PDZD2: variants seen among roughly 807,000 people sequenced by gnomAD.
The protein encoded by PDZD2 is PDZ domain-containing protein 2.
Under a neutral mutation model 220.7 loss-of-function variants are expected in PDZD2, and 90 were observed. The ratio of observed to expected loss-of-function variants is 0.41; its 90% CI spans 0.34 to 0.49. The LOEUF (loss-of-function observed/expected upper bound fraction) is 0.49, where lower values mean the gene tolerates loss of function less well. Ranked by LOEUF, PDZD2 falls within the 20% of genes least tolerant of loss-of-function variation. The probability of loss-of-function intolerance (pLI) is 0.28; values close to 1 mark genes in which losing one functional copy is unlikely to be tolerated. For synonymous variants in PDZD2, 1,375 were observed against 1,450.5 expected (o/e 0.95, Z 1.18); for missense variants, 3,174 against 3,608.5 (o/e 0.88, Z 3.08).
intron 2 of PDZD2, among the ~76,000 whole-genome samples, chr5:31,808,433 C>T (rs560139646): frequency 1.3e-5 from 2 of 152,298 alleles, no homozygotes; most frequent in South Asian, 4.1e-4. Flanking sequence ...TGAAGCATTA[C>T]GGACTGTTTG....
intron 1 of PDZD2, among the ~76,000 whole-genome samples, chr5:31,763,870 T>TTAA: frequency 7.3e-6 from 1 of 137,552 alleles, no homozygotes; most frequent in African/African-American, 2.7e-5. Context: ...GCCCTCTGAT[T>TTAA]AAAAAAAAAA....
At chr5:31,895,380 T>A (rs1361597607) in intron 2 of PDZD2, among the ~76,000 whole-genome samples, 2 of 152,150 alleles carry the variant, frequency 1.3e-5, no homozygotes, top group South Asian at 4.1e-4. Flanking sequence ...AGACTCCTTA[T>A]CTCCTCTGTC....
intron 2 of PDZD2, among the ~76,000 whole-genome samples, chr5:31,898,154 A>T (rs1741743022): frequency 6.6e-6 from 1 of 152,246 alleles, no homozygotes; most frequent in South Asian, 2.1e-4. Flanking sequence ...CATATGAATT[A>T]TACCAAAAGT....
chr5:31,940,073 T>A (rs954992153), intron 2 of PDZD2, among the ~76,000 whole-genome samples: 1 of 152,214 alleles, frequency 6.6e-6, no homozygotes. Context: ...TTGTAGGTGA[T>A]ATAGTCTCTC....
At chr5:31,881,441 G>A (rs567577763) in intron 2 of PDZD2, among the ~76,000 whole-genome samples, 63 of 149,136 alleles carry the variant, frequency 4.2e-4, no homozygotes, top group Non-Finnish European at 6.1e-4. Context: ...GCAATGGTGC[G>A]ATCTCAGCTC....
intron 19 of PDZD2, among the ~76,000 whole-genome samples, chr5:32,086,592 G>A (rs1742472295): frequency 6.6e-6 from 1 of 152,178 alleles, no homozygotes; most frequent in African/African-American, 2.4e-5. Context: ...TGTTAGATGT[G>A]GGTACTCTAT....
chr5:32,025,393 C>T (rs1420035917), intron 6 of PDZD2, among the ~76,000 whole-genome samples: 1 of 151,642 alleles, frequency 6.6e-6, no homozygotes, highest in Non-Finnish European at 1.5e-5. Flanking sequence ...AGCGTGGTGG[C>T]ACATGCCTGT....
intron 2 of PDZD2, among the ~76,000 whole-genome samples, chr5:31,839,026 C>T (rs1273223937): frequency 6.6e-6 from 1 of 152,226 alleles, no homozygotes; most frequent in Non-Finnish European, 1.5e-5. Flanking sequence ...ACCCCAGAAG[C>T]TCTCACCAGA....
At chr5:31,768,817 G>A (rs1251878826) in intron 1 of PDZD2, among the ~76,000 whole-genome samples, 3 of 152,134 alleles carry the variant, frequency 2.0e-5, no homozygotes, top group African/African-American at 7.2e-5. Context: ...GGAGGGGTAA[G>A]GGGATCACAT....
intron 6 of PDZD2, among the ~76,000 whole-genome samples, chr5:32,023,294 C>T (rs1754372708): frequency 6.6e-6 from 1 of 152,166 alleles, no homozygotes; most frequent in African/African-American, 2.4e-5. Flanking sequence ...GGTCTGAACT[C>T]TCCACTGAGG....
intron 2 of PDZD2, among the ~76,000 whole-genome samples, chr5:31,906,869 A>G (rs1043419692): frequency 6.6e-6 from 1 of 152,138 alleles, no homozygotes; most frequent in Admixed American, 6.5e-5. Context: ...AAAAGAGACT[A>G]CTTACAATAT....
At chr5:32,060,933 C>G in intron 13 of PDZD2, 69 bp from the exon 14 acceptor site, 1 of 1,489,306 alleles carries the variant, frequency 6.7e-7, no homozygotes, top group East Asian at 2.3e-5. Context: ...CCTCTCCTAG[C>G]AAGAAGGCTA....
intron 1 of PDZD2, chr5:31,725,627 CTT>C: frequency 7.8e-7 from 1 of 1,281,684 alleles, no homozygotes; most frequent in Non-Finnish European, 1.1e-6. Context: ...CTAGGTGGTC[CTT>C]TTTTCCTTGA....
At chr5:31,948,018 T>C (rs1410670265) in intron 2 of PDZD2, among the ~76,000 whole-genome samples, 1 of 152,214 alleles carries the variant, frequency 6.6e-6, no homozygotes, top group Non-Finnish European at 1.5e-5. Context: ...CCAGAGATTT[T>C]ACATGTCTGC....
intron 1 of PDZD2, among the ~76,000 whole-genome samples, chr5:31,776,152 G>A (rs967145790): frequency 7.9e-5 from 12 of 152,152 alleles, no homozygotes; most frequent in Admixed American, 7.2e-4. Flanking sequence ...TTCACTGGCG[G>A]AGCCCCTAGG....
At chr5:31,938,005 A>G (rs7712334) in intron 2 of PDZD2, among the ~76,000 whole-genome samples, 63,473 of 152,148 alleles carry the variant, frequency 0.42, 13,678 homozygotes, top group Middle Eastern at 0.57. Flanking sequence ...AGAATATAGG[A>G]CAGAGATAGT....
At chr5:31,944,443 A>G (rs1400116336) in intron 2 of PDZD2, among the ~76,000 whole-genome samples, 1 of 152,236 alleles carries the variant, frequency 6.6e-6, no homozygotes, top group Non-Finnish European at 1.5e-5. Flanking sequence ...AATTCAGAAT[A>G]GCCAGGCTGT....
At chr5:31,740,401 T>C (rs1337470310) in intron 1 of PDZD2, among the ~76,000 whole-genome samples, 1 of 151,308 alleles carries the variant, frequency 6.6e-6, no homozygotes, top group Non-Finnish European at 1.5e-5. Context: ...GGCAGGCGCC[T>C]GTAGTCCCAG....
chr5:31,825,082 G>A (rs774756464), intron 2 of PDZD2, among the ~76,000 whole-genome samples: 6 of 152,044 alleles, frequency 3.9e-5, no homozygotes, highest in Non-Finnish European at 5.9e-5. Context: ...TCCACCTCCT[G>A]GCCACCCACC....
Sources: gnomAD v4.1 joint callset for allele counts (sites outside exome capture counted in the v4.1 genomes callset) on GRCh38, gnomAD v4.1.1 for gene constraint, MANE v1.5 for transcripts, NCBI Gene and HGNC (gene_info 2026-07-23, HGNC 2026-07-21) for gene names.